Variants in CNTN5 observed in about 807,000 individuals in gnomAD.
CNTN5 encodes contactin-5.
Under a neutral mutation model 129.1 loss-of-function variants are expected in CNTN5, and 77 were observed. The observed-to-expected ratio is 0.60, with a 90% confidence interval of 0.50 to 0.72. CNTN5 has a LOEUF of 0.72. Among genes scored for constraint, CNTN5 ranks in the 30% least tolerant of loss-of-function variants. The pLI, the probability that CNTN5 is intolerant of heterozygous loss-of-function variation, is 0.00. For synonymous variants in CNTN5, 509 were observed against 465.6 expected, an observed-to-expected ratio of 1.09 and a Z score of -1.20; for missense variants, 1,478 against 1,328.8, an observed-to-expected ratio of 1.11 and a Z score of -1.75.
At position 99,839,344 on chromosome 11, in the gene CNTN5, A is replaced by G. The variant is rs528440548; in HGVS notation, c.278-5508A>G. Among the ~76,000 whole-genome samples, 45 of 152,284 alleles carry G rather than the reference A, an allele frequency of 3.0e-4. No individual in the cohort carries two copies. In the South Asian group the frequency reaches 8.9e-3, roughly 30 times the overall value. ...GGTGAAGTCTGTGTGAAAGTGGACAAATGACTCAGGATACTTCAGAACATA... is the reference window on the plus strand; with the variant it reads ...GGTGAAGTCTGTGTGAAAGTGGACAGATGACTCAGGATACTTCAGAACATA... On this transcript the variant is annotated intron_variant, in intron 4 of 24. Coordinates refer to ENST00000524871, the MANE Select transcript of CNTN5 (RefSeq NM_014361.4).
intron 18 of CNTN5, among the ~76,000 whole-genome samples, chr11:100,286,803 A>G (rs1417065117): frequency 6.7e-6 from 1 of 149,354 alleles, no homozygotes; most frequent in Non-Finnish European, 1.5e-5. Context: ...TGATCAAATT[A>G]CTCTGAGCTA....
chr11:99,880,556 A>C (rs1198989536), intron 6 of CNTN5, among the ~76,000 whole-genome samples: 1 of 152,188 alleles, frequency 6.6e-6, no homozygotes. Context: ...TTCATGCCAC[A>C]AGCAGCTCCC....
At chr11:99,622,044 T>G (rs530500195) in intron 3 of CNTN5, among the ~76,000 whole-genome samples, 2 of 152,310 alleles carry the variant, frequency 1.3e-5, no homozygotes, top group East Asian at 3.9e-4. Flanking sequence ...GTGGTTAATA[T>G]CTAATTGAGT....
At chr11:99,063,094 T>C (rs2135219413) in intron 1 of CNTN5, among the ~76,000 whole-genome samples, 1 of 152,264 alleles carries the variant, frequency 6.6e-6, no homozygotes. Flanking sequence ...AACCAAGAGA[T>C]GAACAGGGAT....
chr11:99,802,101 G>T (rs79603652), intron 3 of CNTN5, among the ~76,000 whole-genome samples: 2 of 152,080 alleles, frequency 1.3e-5, no homozygotes, highest in African/African-American at 4.8e-5. Context: ...CTCCACCCAG[G>T]GTGTATGACT....
intron 2 of CNTN5, among the ~76,000 whole-genome samples, chr11:99,348,155 T>C (rs1938033590): frequency 1.3e-5 from 2 of 152,254 alleles, no homozygotes; most frequent in South Asian, 2.1e-4. Context: ...CTGGCTAACA[T>C]GGTGAAACCG....
At chr11:99,749,393 T>C (rs1156444799) in intron 3 of CNTN5, among the ~76,000 whole-genome samples, 1 of 152,212 alleles carries the variant, frequency 6.6e-6, no homozygotes, top group Non-Finnish European at 1.5e-5. Flanking sequence ...AGGATCCTTG[T>C]AAAGATTAAG....
At position 100,335,767 on chromosome 11, in the gene CNTN5, C is replaced by CAA. The variant is rs61237596; in HGVS notation, c.2731-4686_2731-4685dup. ...TGGGCAATAGCGTGAGACTCCATCT[C>CAA]AAAAAAAAAAAGCCATTCTCTTTAT... On this transcript the variant is annotated intron_variant, in intron 21 of 24. Transcript: ENST00000524871. 6.1e-4 allele frequency among the ~76,000 whole-genome samples: 86 copies of CAA among 141,524 alleles called. 1 individual carries two copies. In the South Asian group the frequency reaches 6.7e-3, roughly 11 times the overall value. 92.8% of individuals were successfully genotyped at this position (141,524 alleles called of 152,430 possible). A position where few individuals can be genotyped will look rare whatever the true frequency, so the allele number is the denominator to read the frequency against.
chr11:99,174,779 A>G (rs1857693465), intron 1 of CNTN5, among the ~76,000 whole-genome samples: 1 of 151,866 alleles, frequency 6.6e-6, no homozygotes. Context: ...TATATTATAC[A>G]TAAAATATAT....
At chr11:99,534,300 C>G (rs971935379) in intron 2 of CNTN5, among the ~76,000 whole-genome samples, 2 of 152,144 alleles carry the variant, frequency 1.3e-5, no homozygotes, top group Admixed American at 1.3e-4. Flanking sequence ...CAGCACCAAG[C>G]ATATTATTGT....
chr11:99,431,474 A>G (rs543816095), intron 2 of CNTN5, among the ~76,000 whole-genome samples: 1 of 152,184 alleles, frequency 6.6e-6, no homozygotes, highest in African/African-American at 2.4e-5. Context: ...GGAATTGTAC[A>G]TCAAAATAAA....
intron 6 of CNTN5, among the ~76,000 whole-genome samples, chr11:99,888,918 TCA>T (rs1433507555): frequency 6.6e-6 from 1 of 152,188 alleles, no homozygotes; most frequent in Admixed American, 6.5e-5. Context: ...AGGAAAATGC[TCA>T]CAGTTTTGAG....
chr11:99,518,243 G>A (rs1218593811), intron 2 of CNTN5, among the ~76,000 whole-genome samples: 1 of 152,108 alleles, frequency 6.6e-6, no homozygotes, highest in East Asian at 1.9e-4. Flanking sequence ...GATGTGACCA[G>A]TAGGTGTCAT....
chr11:100,073,156 C>T (rs1272169765), intron 12 of CNTN5, among the ~76,000 whole-genome samples: 1 of 152,046 alleles, frequency 6.6e-6, no homozygotes, highest in Admixed American at 6.6e-5. Flanking sequence ...AAGCGATTCT[C>T]TTGCCTCAGC....
intron 20 of CNTN5, among the ~76,000 whole-genome samples, chr11:100,302,007 C>A (rs77610358): frequency 0.01 from 1,578 of 151,652 alleles, 27 homozygotes; most frequent in African/African-American, 0.036. Context: ...GGCTTCACTA[C>A]ATTGCAAACT....
Position 100,237,970 on chromosome 11 carries a change from A to C in CNTN5, c.2005+13158A>C, listed in dbSNP as rs191333348. On this transcript the variant is annotated intron_variant, in intron 16 of 24. Coordinates refer to ENST00000524871, the MANE Select transcript of CNTN5 (RefSeq NM_014361.4). ...AAAATAGTTCCTAGCTTTAGAAAAA[A>C]CAGTTCATTATGAAAGAAACCTCTA... Among the ~76,000 whole-genome samples the C allele has an allele frequency of 1.4e-3, 206 of 152,288 alleles. 1 individual carries two copies. Among genetic ancestry groups the C allele is most frequent in the African/African-American group, 4.9e-3 (203 of 41,568 alleles).
intron 1 of CNTN5, among the ~76,000 whole-genome samples, chr11:99,183,496 C>T (rs1218803041): frequency 6.6e-6 from 1 of 151,952 alleles, no homozygotes; most frequent in African/African-American, 2.4e-5. Context: ...ATTAATCATC[C>T]ACTCCTCTCC....
intron 9 of CNTN5, among the ~76,000 whole-genome samples, chr11:100,004,547 A>G (rs192047039): frequency 4.7e-4 from 72 of 152,326 alleles, no homozygotes; most frequent in Non-Finnish European, 4.6e-4. Context: ...TCTCCACTTA[A>G]AACATTTATC....
chr11:99,665,795 G>A (rs923958340), intron 3 of CNTN5, among the ~76,000 whole-genome samples: 10 of 151,790 alleles, frequency 6.6e-5, no homozygotes, highest in African/African-American at 2.4e-4. Flanking sequence ...CCTAGAGTAC[G>A]ATGTATCTTG....
Sources: allele counts gnomAD v4.1 joint callset (sites outside exome capture counted in the v4.1 genomes callset), GRCh38; gene constraint gnomAD v4.1.1; transcripts MANE v1.5; gene names NCBI Gene and HGNC (gene_info 2026-07-23, HGNC 2026-07-21).